The following TOM1L2 variants were observed in gnomAD, a reference collection of about 807,000 sequenced individuals.
The protein encoded by TOM1L2 is target of myb1 like 2 membrane trafficking protein.
TOM1L2 carries 31 observed loss-of-function variants against 67.9 expected under a neutral mutation model. That is an observed-to-expected ratio of 0.46 (90% confidence interval 0.34 to 0.62). The LOEUF (loss-of-function observed/expected upper bound fraction) is 0.62. Among genes scored for constraint, TOM1L2 ranks in the 20% least tolerant of loss-of-function variants. The probability of loss-of-function intolerance (pLI) is 0.01; values close to 1 mark genes in which losing one functional copy is unlikely to be tolerated. For missense variants in TOM1L2, 606 were observed against 663.5 expected (o/e 0.91, Z 0.95); for synonymous variants, 256 against 254.0 (o/e 1.01, Z -0.07).
Position 17,907,443 on chromosome 17 carries a change from G to A in TOM1L2, c.137+4C>T, listed in dbSNP as rs200001748. The A allele has an allele frequency of 3.3e-4, 525 of 1,613,490 alleles. No individual in the cohort carries two copies. The highest frequency in any genetic ancestry group is 4.1e-4 in the Non-Finnish European group (478 of 1,179,686). ...GGCTTCCCAGGAGAGGGGGGCACAC[G>A]TACCCTTCCTCCGTCTCATTGATGA... On this transcript the variant is annotated splice_donor_region_variant and intron_variant, in intron 2 of 14. Transcript: ENST00000379504.
intron 2 of TOM1L2, among the ~76,000 whole-genome samples, chr17:17,906,482 C>T (rs1218546321): frequency 6.6e-6 from 1 of 152,018 alleles, no homozygotes; most frequent in Admixed American, 6.6e-5. Flanking sequence ...CCTCCTCTCT[C>T]CCCATCTCCC....
At chr17:17,930,900 G>A (rs1432525428) in intron 1 of TOM1L2, among the ~76,000 whole-genome samples, 2 of 152,166 alleles carry the variant, frequency 1.3e-5, no homozygotes, top group Non-Finnish European at 2.9e-5. Context: ...AGAATAAAAG[G>A]CATTCCTCTA....
At chr17:17,855,433 C>T (rs58628558) in intron 12 of TOM1L2, among the ~76,000 whole-genome samples, 3,753 of 152,234 alleles carry the variant, frequency 0.025, 126 homozygotes, top group African/African-American at 0.08. Context: ...CCTGGCTGCA[C>T]CCTGCAAAAG....
chr17:17,882,839 C>T lies in TOM1L2; in HGVS notation c.526G>A (p.Ala176Thr). ...QRSVPEVDPA[A>T]TMPRSQSQQR... Reference sequence around the variant, plus strand: ...TGTGATTGGGACCTGGGCATGGTCGCAGCTGGATCCACTTCAGGGACACTC... The same window carrying T: ...TGTGATTGGGACCTGGGCATGGTCGTAGCTGGATCCACTTCAGGGACACTC... The change falls in exon 6 of 15, where the codon GCG becomes ACG. Residue 176 changes from alanine (A) to threonine (T), a missense_variant. Transcript: ENST00000379504. 6.2e-7 allele frequency: 1 copy of T among 1,614,184 alleles called. No homozygotes were observed. The highest frequency in any genetic ancestry group is 1.1e-5 in the South Asian group (1 of 91,086).
rs534437025 is a variant in TOM1L2 at position 17,969,234 on chromosome 17, A to G, written c.52+3028T>C. On this transcript the variant is annotated intron_variant, in intron 1 of 14. Coordinates refer to ENST00000379504, the MANE Select transcript of TOM1L2 (RefSeq NM_001082968.2). ...ACCACACCCGGCTCATTTTTGTATT[A>G]CTAGTAGAGACAGGGTTTCACCATA... Among the ~76,000 whole-genome samples the G allele has an allele frequency of 2.0e-5, 3 of 151,738 alleles. No homozygotes were observed. In the East Asian group the frequency reaches 5.8e-4, roughly 29 times the overall value.
Position 17,847,522 on chromosome 17 carries a change from G to A in TOM1L2, c.*113C>T, listed in dbSNP as rs2035709354. The A allele has an allele frequency of 7.2e-7, 1 of 1,397,588 alleles. No homozygotes were observed. Among genetic ancestry groups the A allele is most frequent in the Non-Finnish European group, 9.6e-7 (1 of 1,044,942 alleles). The allele number at this position is 1,397,588 out of a possible 1,614,324, so 86.6% of individuals were successfully genotyped here. ...GAGCAGACACGGTGGCATTTCCATG[G>A]AAACACAGGTGTGCAGGCCGTGTGG... On this transcript the variant is annotated 3_prime_UTR_variant, in exon 15 of 15. Transcript: ENST00000379504.
At chr17:17,960,775 A>G (rs961447771) in intron 1 of TOM1L2, among the ~76,000 whole-genome samples, 1 of 152,244 alleles carries the variant, frequency 6.6e-6, no homozygotes, top group African/African-American at 2.4e-5. Context: ...TGTGGGAATT[A>G]AAGAAAAGAA....
chr17:17,928,658 A>G (rs2040198053), intron 1 of TOM1L2, among the ~76,000 whole-genome samples: 1 of 152,190 alleles, frequency 6.6e-6, no homozygotes, highest in African/African-American at 2.4e-5. Flanking sequence ...AGGCTCATCC[A>G]GCCCCTATTG....
intron 1 of TOM1L2, among the ~76,000 whole-genome samples, chr17:17,932,691 G>C (rs1433054932): frequency 1.3e-5 from 2 of 152,022 alleles, no homozygotes; most frequent in African/African-American, 4.8e-5. Context: ...TAAAATATTG[G>C]GGTAAGGTGT....
intron 7 of TOM1L2, among the ~76,000 whole-genome samples, chr17:17,874,027 C>A (rs192634024): frequency 5.2e-4 from 79 of 151,954 alleles, no homozygotes; most frequent in Middle Eastern, 3.4e-3. Flanking sequence ...ACAATCTCGG[C>A]TCACTGCAAG....
At chr17:17,892,425 G>A (rs1189752534) in intron 4 of TOM1L2, among the ~76,000 whole-genome samples, 1 of 152,146 alleles carries the variant, frequency 6.6e-6, no homozygotes, top group Non-Finnish European at 1.5e-5. Flanking sequence ...AATCACCCAG[G>A]CTGGATGTGC....
At chr17:17,932,081 CAGG>C (rs2040358905) in intron 1 of TOM1L2, among the ~76,000 whole-genome samples, 1 of 152,140 alleles carries the variant, frequency 6.6e-6, no homozygotes, top group Admixed American at 6.5e-5. Context: ...TAATAACTCA[CAGG>C]AGACTATTCT....
intron 7 of TOM1L2, among the ~76,000 whole-genome samples, chr17:17,873,973 T>A (rs1264758162): frequency 6.6e-6 from 1 of 151,506 alleles, no homozygotes; most frequent in African/African-American, 2.4e-5. Context: ...TTTTTTTTTT[T>A]AGATGGGAGT....
At chr17:17,892,468 T>C (rs996285167) in intron 4 of TOM1L2, among the ~76,000 whole-genome samples, 5 of 152,174 alleles carry the variant, frequency 3.3e-5, no homozygotes, top group Admixed American at 3.3e-4. Context: ...TGTCACCACG[T>C]GCTCTGTCTA....
At chr17:17,968,396 A>G (rs776816714) in intron 1 of TOM1L2, among the ~76,000 whole-genome samples, 14 of 152,182 alleles carry the variant, frequency 9.2e-5, no homozygotes, top group Non-Finnish European at 1.5e-4. Context: ...GCCGGGCGCA[A>G]TGGCTCACTC....
chr17:17,877,846 G>A (rs1351021508), intron 7 of TOM1L2, among the ~76,000 whole-genome samples: 1 of 151,772 alleles, frequency 6.6e-6, no homozygotes, highest in Non-Finnish European at 1.5e-5. Flanking sequence ...CAGGAGATTA[G>A]GTTCTGTTTG....
intron 12 of TOM1L2, chr17:17,858,153 A>G: frequency 1.6e-5 from 4 of 242,538 alleles, no homozygotes; most frequent in South Asian, 1.5e-4. Flanking sequence ...TACGGCTATC[A>G]GGGTTGGGAG....
intron 1 of TOM1L2, among the ~76,000 whole-genome samples, chr17:17,912,870 T>G (rs199625924): frequency 2.0e-5 from 3 of 152,046 alleles, no homozygotes; most frequent in Non-Finnish European, 4.4e-5. Context: ...GCCGAGATCA[T>G]GCCACTGCAC....
At chr17:17,920,108 G>A (rs2039795895) in intron 1 of TOM1L2, among the ~76,000 whole-genome samples, 1 of 152,092 alleles carries the variant, frequency 6.6e-6, no homozygotes, top group South Asian at 2.1e-4. Flanking sequence ...TGATTTTTAG[G>A]TGAAGTCTAA....
Sources: gnomAD v4.1 joint callset for allele counts (sites outside exome capture counted in the v4.1 genomes callset) on GRCh38, gnomAD v4.1.1 for gene constraint, MANE v1.5 for transcripts, NCBI Gene and HGNC (gene_info 2026-07-23, HGNC 2026-07-21) for gene names.